FOXP2: variants seen among roughly 807,000 people sequenced by gnomAD.
The protein encoded by FOXP2 is forkhead box P2.
Under a neutral mutation model 115.8 loss-of-function variants are expected in FOXP2, and 12 were observed. The observed-to-expected ratio is 0.10, with a 90% confidence interval of 0.07 to 0.17. The LOEUF is 0.17. Among genes scored for constraint, FOXP2 ranks in the 10% least tolerant of loss-of-function variants. FOXP2 has a pLI of 1.00. For missense variants in FOXP2, 629 were observed against 843.5 expected (o/e 0.75, Z 3.15); for synonymous variants, 328 against 297.7 (o/e 1.10, Z -1.05).
chr7:114,180,109 C>T (rs1793419075), intron 1 of FOXP2, among the ~76,000 whole-genome samples: 1 of 151,916 alleles, frequency 6.6e-6, no homozygotes, highest in South Asian at 2.1e-4. Flanking sequence ...ACTGTCACTG[C>T]GTTAGTATTT....
intron 1 of FOXP2, among the ~76,000 whole-genome samples, chr7:114,154,976 A>T (rs1792625275): frequency 6.6e-6 from 1 of 152,244 alleles, no homozygotes; most frequent in African/African-American, 2.4e-5. Flanking sequence ...GTCAGGTACC[A>T]ATCTTGACCC....
intron 2 of FOXP2, among the ~76,000 whole-genome samples, chr7:114,503,671 G>A (rs1051271305): frequency 4.6e-5 from 7 of 150,618 alleles, no homozygotes; most frequent in African/African-American, 1.5e-4. Flanking sequence ...GTTAAAATAA[G>A]CCAAATTAAT....
At chr7:114,181,286 A>ATT (rs1793447925) in intron 1 of FOXP2, among the ~76,000 whole-genome samples, 1 of 149,390 alleles carries the variant, frequency 6.7e-6, no homozygotes. Context: ...TAATATATAT[A>ATT]TATATATAAA....
intron 3 of FOXP2, among the ~76,000 whole-genome samples, chr7:114,587,827 A>G (rs1395908177): frequency 6.3e-5 from 9 of 142,442 alleles, no homozygotes; most frequent in Non-Finnish European, 9.1e-5. Context: ...CTAGTTCTGC[A>G]ATAGTTTCTC....
At chr7:114,307,619 G>A (rs564840507) in intron 2 of FOXP2, among the ~76,000 whole-genome samples, 1 of 152,274 alleles carries the variant, frequency 6.6e-6, no homozygotes, top group South Asian at 2.1e-4. Context: ...CTTTAGTTTG[G>A]TTAAGTGACA....
At chr7:114,175,043 A>G (rs1793251929) in intron 1 of FOXP2, among the ~76,000 whole-genome samples, 1 of 152,146 alleles carries the variant, frequency 6.6e-6, no homozygotes. Flanking sequence ...GGGTTGTAAC[A>G]AAGAAGCAGA....
At chr7:114,464,557 GT>G (rs1386829759) in intron 2 of FOXP2, among the ~76,000 whole-genome samples, 1 of 152,204 alleles carries the variant, frequency 6.6e-6, no homozygotes, top group African/African-American at 2.4e-5. Flanking sequence ...ATCATAATTA[GT>G]TGAACATCCA....
intron 2 of FOXP2, among the ~76,000 whole-genome samples, chr7:114,534,408 G>A (rs181016793): frequency 1.1e-4 from 17 of 151,710 alleles, no homozygotes; most frequent in African/African-American, 3.9e-4. Flanking sequence ...ATTTCCTGTA[G>A]GATTGCATGT....
At chr7:114,316,191 A>G (rs935771658) in intron 2 of FOXP2, among the ~76,000 whole-genome samples, 2 of 152,230 alleles carry the variant, frequency 1.3e-5, no homozygotes, top group African/African-American at 2.4e-5. Flanking sequence ...AATGGCCACA[A>G]AAGTGCTGTA....
intron 1 of FOXP2, among the ~76,000 whole-genome samples, chr7:114,422,181 G>C (rs1489146142): frequency 6.6e-6 from 1 of 151,704 alleles, no homozygotes; most frequent in African/African-American, 2.4e-5. Context: ...GCATATGTTT[G>C]ATTAAATAAA....
intron 1 of FOXP2, among the ~76,000 whole-genome samples, chr7:114,254,097 C>G (rs901419433): frequency 5.3e-5 from 8 of 152,130 alleles, no homozygotes; most frequent in African/African-American, 1.9e-4. Flanking sequence ...AAATTCTTTT[C>G]TTTAAGAATG....
At chr7:114,366,091 A>G (rs568819004) in intron 2 of FOXP2, among the ~76,000 whole-genome samples, 92 of 152,244 alleles carry the variant, frequency 6.0e-4, no homozygotes, top group African/African-American at 2.2e-3. Flanking sequence ...TGTGCAGACT[A>G]CCACAGGAAG....
intron 2 of FOXP2, among the ~76,000 whole-genome samples, chr7:114,447,583 T>C (rs1049479055): frequency 3.3e-5 from 5 of 152,174 alleles, no homozygotes; most frequent in African/African-American, 1.2e-4. Flanking sequence ...ACAAGCTGTT[T>C]TCTTCCTGGA....
At chr7:114,275,293 T>C (rs1048735650) in intron 1 of FOXP2, among the ~76,000 whole-genome samples, 8 of 152,290 alleles carry the variant, frequency 5.3e-5, no homozygotes, top group African/African-American at 1.9e-4. Flanking sequence ...CCATTATGTG[T>C]ATATTAGACA....
At chr7:114,492,969 T>A (rs866898661) in intron 2 of FOXP2, among the ~76,000 whole-genome samples, 13 of 152,186 alleles carry the variant, frequency 8.5e-5, no homozygotes, top group South Asian at 2.1e-4. Flanking sequence ...GATATCTTTG[T>A]TAACTTTCTG....
chr7:114,583,806 T>G (rs145655119), intron 3 of FOXP2, among the ~76,000 whole-genome samples: 185 of 152,346 alleles, frequency 1.2e-3, no homozygotes, highest in African/African-American at 3.9e-3. Context: ...TTACCAAAAA[T>G]TATTCATTTT....
Position 114,423,882 on chromosome 7 carries a change from A to C in FOXP2, c.-10-2620A>C, listed in dbSNP as rs1284777503. ...CCAAGCTTTTTTAAGTGAAATGTACAGTATAATCATCTAATTACACAATCA... is the reference window on the plus strand; with the variant it reads ...CCAAGCTTTTTTAAGTGAAATGTACCGTATAATCATCTAATTACACAATCA... On this transcript the variant is annotated intron_variant, in intron 1 of 16. Coordinates refer to ENST00000350908, the MANE Select transcript of FOXP2 (RefSeq NM_014491.4). Among the ~76,000 whole-genome samples, 7 of 151,524 alleles carry C rather than the reference A, an allele frequency of 4.6e-5. No homozygotes were observed. In the Admixed American group the frequency reaches 4.6e-4, roughly 10 times the overall value.
intron 1 of FOXP2, among the ~76,000 whole-genome samples, chr7:114,254,573 A>T (rs1419686912): frequency 6.6e-6 from 1 of 152,010 alleles, no homozygotes; most frequent in Non-Finnish European, 1.5e-5. Context: ...CCTTTCTTCC[A>T]GTTGATCAAA....
intron 2 of FOXP2, among the ~76,000 whole-genome samples, chr7:114,481,674 C>T (rs189084275): frequency 3.0e-4 from 46 of 151,368 alleles, no homozygotes; most frequent in African/African-American, 8.4e-4. Context: ...GATCAAGTCA[C>T]CTCTAGGAAA....
Sources: allele counts gnomAD v4.1 joint callset (sites outside exome capture counted in the v4.1 genomes callset), GRCh38; gene constraint gnomAD v4.1.1; transcripts MANE v1.5; gene names NCBI Gene and HGNC (gene_info 2026-07-23, HGNC 2026-07-21).